CDK14: variants seen among roughly 807,000 people sequenced by gnomAD.
CDK14 encodes cyclin-dependent kinase 14.
Under a neutral mutation model 60.7 loss-of-function variants are expected in CDK14, and 34 were observed. That is an observed-to-expected ratio of 0.56 (90% confidence interval 0.43 to 0.75). The LOEUF (loss-of-function observed/expected upper bound fraction) is 0.75. Among genes scored for constraint, CDK14 ranks in the 30% least tolerant of loss-of-function variants. The probability of loss-of-function intolerance (pLI) is 0.00; values close to 1 mark genes in which losing one functional copy is unlikely to be tolerated. For synonymous variants in CDK14, 197 were observed against 203.7 expected (o/e 0.97, Z 0.28); for missense variants, 482 against 564.1 (o/e 0.85, Z 1.47).
intron 7 of CDK14, among the ~76,000 whole-genome samples, chr7:90,900,194 T>C (rs1310130604): frequency 6.8e-6 from 1 of 147,546 alleles, no homozygotes; most frequent in Non-Finnish European, 1.5e-5. Context: ...ATAGAGGCTT[T>C]TGTAGTGGTC....
At chr7:91,018,488 C>G (rs1307661822) in intron 10 of CDK14, among the ~76,000 whole-genome samples, 1 of 152,170 alleles carries the variant, frequency 6.6e-6, no homozygotes, top group African/African-American at 2.4e-5. Flanking sequence ...CTTGCAGAGT[C>G]TACACATGGT....
intron 4 of CDK14, among the ~76,000 whole-genome samples, chr7:90,760,053 G>A (rs1487187749): frequency 1.3e-5 from 2 of 152,192 alleles, no homozygotes; most frequent in Non-Finnish European, 2.9e-5. Flanking sequence ...GTGATTGAAA[G>A]TGCCAATCTT....
intron 5 of CDK14, among the ~76,000 whole-genome samples, chr7:90,843,978 A>G (rs956464007): frequency 2.0e-5 from 3 of 152,054 alleles, no homozygotes; most frequent in Non-Finnish European, 2.9e-5. Context: ...TTTTCACCCT[A>G]TTTTCATAGA....
intron 3 of CDK14, among the ~76,000 whole-genome samples, chr7:90,727,453 A>G (rs919429824): frequency 1.3e-5 from 2 of 152,174 alleles, no homozygotes; most frequent in Non-Finnish European, 2.9e-5. Context: ...TTAGAAAGGA[A>G]CACACCAAGA....
At chr7:91,006,100 G>A (rs777310545) in intron 10 of CDK14, among the ~76,000 whole-genome samples, 86 of 152,266 alleles carry the variant, frequency 5.6e-4, no homozygotes, top group Non-Finnish European at 1.1e-3. Context: ...TAGACAGGCA[G>A]CGCCTGGACT....
intron 11 of CDK14, among the ~76,000 whole-genome samples, chr7:91,077,669 AAAT>A (rs1279079000): frequency 6.6e-6 from 1 of 152,110 alleles, no homozygotes; most frequent in Non-Finnish European, 1.5e-5. Context: ...TAAAAAAGAA[AAAT>A]AATAATTTAT....
chr7:90,708,489 A>G (rs34566203), intron 2 of CDK14, among the ~76,000 whole-genome samples: 24,391 of 152,188 alleles, frequency 0.16, 2,074 homozygotes, highest in African/African-American at 0.18. Context: ...AGTATGTAAT[A>G]TTTGTATTTG....
intron 4 of CDK14, among the ~76,000 whole-genome samples, chr7:90,783,080 A>T (rs1805413569): frequency 1.3e-5 from 2 of 151,982 alleles, no homozygotes; most frequent in African/African-American, 4.8e-5. Flanking sequence ...AATGTACATA[A>T]TTTTTTCCTA....
chr7:91,016,015 T>G (rs1301980153), intron 10 of CDK14, among the ~76,000 whole-genome samples: 1 of 152,146 alleles, frequency 6.6e-6, no homozygotes, highest in Non-Finnish European at 1.5e-5. Flanking sequence ...ACATTGGCTT[T>G]TCAGATATGG....
chr7:90,890,411 CAGAT>C (rs1792079460), intron 6 of CDK14, among the ~76,000 whole-genome samples: 2 of 152,220 alleles, frequency 1.3e-5, no homozygotes, highest in South Asian at 2.1e-4. Flanking sequence ...GGTAGGTAGA[CAGAT>C]AGAGCCCCTT....
intron 2 of CDK14, among the ~76,000 whole-genome samples, chr7:90,610,421 G>C (rs999523027): frequency 6.6e-6 from 1 of 152,156 alleles, no homozygotes; most frequent in Non-Finnish European, 1.5e-5. Context: ...CCTGTTTCCT[G>C]CTGAACTCTT....
Position 90,668,699 on chromosome 7 carries a change from CTTTTTTTTT to C in CDK14, c.124-57849_124-57841del, listed in dbSNP as rs59773768. Among the ~76,000 whole-genome samples, 112 of 87,534 alleles carry C rather than the reference CTTTTTTTTT, an allele frequency of 1.3e-3. 1 individual carries two copies. The highest frequency in any genetic ancestry group is 3.1e-3 in the African/African-American group (71 of 23,126). The allele number at this position is 87,534 out of a possible 152,430, so 57.4% of individuals were successfully genotyped here. A position where few individuals can be genotyped will look rare whatever the true frequency, so the allele number is the denominator to read the frequency against. On this transcript the variant is annotated intron_variant, in intron 2 of 14. Transcript: ENST00000380050. ...TATGGTGTAAGGAAGGACTCGCATT[CTTTTTTTTT>C]TTTTTTTTTTTTTTTTTTCAACTGG...
intron 14 of CDK14, among the ~76,000 whole-genome samples, chr7:91,152,413 A>G (rs1330763523): frequency 6.6e-6 from 1 of 152,226 alleles, no homozygotes; most frequent in Non-Finnish European, 1.5e-5. Flanking sequence ...AAGTGGATAT[A>G]GAACATATTC....
intron 7 of CDK14, among the ~76,000 whole-genome samples, chr7:90,905,333 T>C (rs1792660907): frequency 6.6e-6 from 1 of 152,124 alleles, no homozygotes; most frequent in South Asian, 2.1e-4. Context: ...GAATTAGTAG[T>C]GGCCACAAAG....
intron 10 of CDK14, among the ~76,000 whole-genome samples, chr7:91,043,885 A>G (rs889993471): frequency 6.6e-6 from 1 of 152,310 alleles, no homozygotes; most frequent in African/African-American, 2.4e-5. Flanking sequence ...CACTTACTGT[A>G]TATGTGCCAC....
intron 5 of CDK14, among the ~76,000 whole-genome samples, chr7:90,819,389 TA>T (rs977190320): frequency 1.3e-5 from 2 of 152,186 alleles, no homozygotes; most frequent in African/African-American, 4.8e-5. Flanking sequence ...TACATGCACA[TA>T]AATATACACA....
intron 10 of CDK14, among the ~76,000 whole-genome samples, chr7:91,020,790 A>G (rs1348806939): frequency 6.6e-6 from 1 of 152,186 alleles, no homozygotes; most frequent in African/African-American, 2.4e-5. Flanking sequence ...CACAGTTTCT[A>G]TGGGTCAGGT....
intron 10 of CDK14, among the ~76,000 whole-genome samples, 170 bp downstream of exon 10, chr7:90,984,411 T>G (rs1795320580): frequency 1.3e-5 from 2 of 152,206 alleles, no homozygotes; most frequent in Admixed American, 1.3e-4. Context: ...AAGAATTATG[T>G]TTTTATACTA....
intron 2 of CDK14, among the ~76,000 whole-genome samples, chr7:90,704,887 A>AAG (rs1801865006): frequency 6.6e-6 from 1 of 152,130 alleles, no homozygotes; most frequent in Admixed American, 6.6e-5. Context: ...GTGACATCAG[A>AAG]AGAGAATTAA....
Sources: allele counts gnomAD v4.1 joint callset (sites outside exome capture counted in the v4.1 genomes callset), GRCh38; gene constraint gnomAD v4.1.1; transcripts MANE v1.5; gene names NCBI Gene and HGNC (gene_info 2026-07-23, HGNC 2026-07-21).